The following MLPH variants were observed in gnomAD, a reference collection of about 807,000 sequenced individuals.
MLPH encodes the protein exophilin-3.
A neutral mutation model predicts 72.1 loss-of-function variants in MLPH; 51 were observed. The observed-to-expected ratio is 0.71, with a 90% CI of 0.56 to 0.89. The LOEUF is 0.89. Ranked by LOEUF, MLPH falls within the 40% of genes least tolerant of loss-of-function variation. The pLI, the probability that MLPH is intolerant of heterozygous loss-of-function variation, is 0.00. For synonymous variants in MLPH, 301 were observed against 310.1 expected, an observed-to-expected ratio of 0.97 and a Z score of 0.31; for missense variants, 743 against 759.9, an observed-to-expected ratio of 0.98 and a Z score of 0.26.
Position 237,512,075 on chromosome 2 carries a change from C to T in MLPH, c.445+974C>T, listed in dbSNP as rs1486742032. 1.3e-5 allele frequency among the ~76,000 whole-genome samples: 2 copies of T among 152,222 alleles called. No individual in the cohort carries two copies. Among genetic ancestry groups the T allele is most frequent in the Non-Finnish European group, 2.9e-5 (2 of 68,048 alleles). On this transcript the variant is annotated intron_variant, in intron 4 of 15. Coordinates refer to ENST00000264605, the MANE Select transcript of MLPH (RefSeq NM_024101.7). This position sits in a 1 kb window ranked among gnomAD's most constrained non-coding sequence, Gnocchi z 5.5. Reference sequence around the variant, plus strand: ...GATGACTCCATCTGCAAGACCAAGGCGAGTTTCTCCAGGGCCACGAGGCAG... The same window carrying T: ...GATGACTCCATCTGCAAGACCAAGGTGAGTTTCTCCAGGGCCACGAGGCAG...
chr2:237,537,240 C>T (rs545883325), intron 9 of MLPH, among the ~76,000 whole-genome samples: 4 of 152,328 alleles, frequency 2.6e-5, no homozygotes, highest in Non-Finnish European at 5.9e-5. Flanking sequence ...GTTTTCCACA[C>T]ATACATGTGT....
intron 5 of MLPH, among the ~76,000 whole-genome samples, chr2:237,519,089 T>TTGTTTG (rs796894805): frequency 3.8e-5 from 5 of 131,458 alleles, no homozygotes; most frequent in South Asian, 2.2e-4. Flanking sequence ...TTTTGTTTGT[T>TTGTTTG]TTTTTTTGCC....
intron 8 of MLPH, among the ~76,000 whole-genome samples, chr2:237,533,998 A>G (rs2080479993): frequency 6.6e-6 from 1 of 152,244 alleles, no homozygotes; most frequent in South Asian, 2.1e-4. Flanking sequence ...TGGGTGAGGA[A>G]GAAAACTAGA....
chr2:237,492,538 T>C (rs1344594327), intron 1 of MLPH, among the ~76,000 whole-genome samples: 2 of 151,936 alleles, frequency 1.3e-5, no homozygotes, highest in Non-Finnish European at 2.9e-5. Flanking sequence ...TGGCCACCAG[T>C]AGTGTTAGGT....
intron 9 of MLPH, among the ~76,000 whole-genome samples, chr2:237,536,950 A>G (rs13418586): frequency 0.4 from 61,413 of 152,136 alleles, 15,432 homozygotes; most frequent in African/African-American, 0.71. Flanking sequence ...GGACTAGTAA[A>G]TCAGAAGTAA....
chr2:237,494,273 T>G (rs1574830222), intron 2 of MLPH, among the ~76,000 whole-genome samples: 1 of 151,336 alleles, frequency 6.6e-6, no homozygotes, highest in African/African-American at 2.4e-5. Context: ...GGCCAGAGAG[T>G]GGAGGGCAGA....
chr2:237,540,593 A>G, intron 10 of MLPH, 60 bp downstream of exon 10: 1 of 1,563,188 alleles, frequency 6.4e-7, no homozygotes, highest in Non-Finnish European at 8.7e-7. Flanking sequence ...AGGGATGGAC[A>G]GTCCCAGCTG....
chr2:237,551,415 G>C (rs7605030), intron 14 of MLPH, among the ~76,000 whole-genome samples: 16,717 of 152,314 alleles, frequency 0.11, 3,091 homozygotes, highest in African/African-American at 0.38. Flanking sequence ...CTGATCGCAA[G>C]CTCCCAGCTG....
At chr2:237,537,455 C>G (rs1038394386) in intron 9 of MLPH, 5 of 152,286 alleles carry the variant, frequency 3.3e-5, no homozygotes, top group African/African-American at 1.2e-4. Context: ...CCCATGCACT[C>G]TGGGACGAAG....
chr2:237,533,262 AG>A (rs1239275644), intron 8 of MLPH, among the ~76,000 whole-genome samples: 2 of 152,198 alleles, frequency 1.3e-5, no homozygotes, highest in African/African-American at 4.8e-5. Flanking sequence ...CACAGTTCCC[AG>A]GTGGAGTTTT....
At chr2:237,535,007 A>C (rs2080502737) in intron 9 of MLPH, among the ~76,000 whole-genome samples, 1 of 152,212 alleles carries the variant, frequency 6.6e-6, no homozygotes, top group Non-Finnish European at 1.5e-5. Context: ...CTCCTTCCGC[A>C]CCATGTTTGT....
At chr2:237,509,369 T>G (rs1457690353) in intron 2 of MLPH, among the ~76,000 whole-genome samples, 2 of 152,112 alleles carry the variant, frequency 1.3e-5, no homozygotes, top group African/African-American at 4.8e-5. Context: ...CAGGGTACCG[T>G]TCTGCCTGGA....
chr2:237,525,744 G>C lies in MLPH; in HGVS notation c.819G>C (p.Leu273=). The C allele has an allele frequency of 6.2e-7, 1 of 1,614,006 alleles. No homozygotes were observed. Among genetic ancestry groups the C allele is most frequent in the Non-Finnish European group, 8.5e-7 (1 of 1,180,038 alleles). ...TSISPSRHGA[L]AELCPPGGSH... Reference sequence around the variant, plus strand: ...TCTCACCTTCCAGACACGGCGCCCTGGCTGAGCTCTGCCCGCCTGGAGGCT... The same window carrying C: ...TCTCACCTTCCAGACACGGCGCCCTCGCTGAGCTCTGCCCGCCTGGAGGCT... Residue 273 remains leucine (L), a synonymous_variant, in exon 7 of 16, where the codon CTG becomes CTC. Coordinates refer to ENST00000264605, the MANE Select transcript of MLPH (RefSeq NM_024101.7).
chr2:237,510,867 C>A lies in MLPH; in HGVS notation c.332+72C>A. On this transcript the variant is annotated intron_variant, in intron 3 of 15. Coordinates refer to ENST00000264605, the MANE Select transcript of MLPH (RefSeq NM_024101.7). The surrounding 1 kb of genome is among the most constrained non-coding windows in gnomAD (Gnocchi z 4.4). Reference sequence around the variant, plus strand: ...TGGCGTGTCCCTTCCATGGGGCTAGCTGAAGAAGGGTGGACGCACACATGC... The same window carrying A: ...TGGCGTGTCCCTTCCATGGGGCTAGATGAAGAAGGGTGGACGCACACATGC... The A allele has an allele frequency of 1.3e-6, 2 of 1,583,500 alleles. No individual in the cohort carries two copies. The highest frequency in any genetic ancestry group is 1.7e-6 in the Non-Finnish European group (2 of 1,153,762).
At chr2:237,514,098 C>T (rs75445491) in intron 4 of MLPH, among the ~76,000 whole-genome samples, 3 of 152,212 alleles carry the variant, frequency 2.0e-5, no homozygotes, top group Admixed American at 6.5e-5. Context: ...GATTATATAA[C>T]AAGGCCGGAC....
intron 2 of MLPH, among the ~76,000 whole-genome samples, chr2:237,502,407 G>C (rs2079671341): frequency 6.6e-6 from 1 of 152,156 alleles, no homozygotes; most frequent in Admixed American, 6.5e-5. Context: ...TGCACAAAAG[G>C]AGCAGGCCTC....
chr2:237,509,504 C>T (rs1276758844), intron 2 of MLPH, among the ~76,000 whole-genome samples: 1 of 152,192 alleles, frequency 6.6e-6, no homozygotes, highest in Non-Finnish European at 1.5e-5. Context: ...GAGGCCCTTC[C>T]CATCTGGCTC....
chr2:237,552,711 T>C (rs1186016213), intron 15 of MLPH, among the ~76,000 whole-genome samples: 4 of 152,226 alleles, frequency 2.6e-5, no homozygotes, highest in African/African-American at 7.2e-5. Flanking sequence ...CCTGTGTCAC[T>C]AACCCAAATT....
chr2:237,515,307 A>G (rs2079991174), intron 4 of MLPH, among the ~76,000 whole-genome samples: 1 of 152,142 alleles, frequency 6.6e-6, no homozygotes, highest in Admixed American at 6.5e-5. Context: ...ACATCCGCCG[A>G]ATGCTCGCCA....
Sources: allele counts gnomAD v4.1 joint callset (sites outside exome capture counted in the v4.1 genomes callset), GRCh38; gene constraint gnomAD v4.1.1; non-coding constraint Gnocchi (gnomAD v3.1); transcripts MANE v1.5; gene names NCBI Gene and HGNC (gene_info 2026-07-23, HGNC 2026-07-21).